Variants in VAV3 observed in about 807,000 individuals in gnomAD.
VAV3 encodes vav guanine nucleotide exchange factor 3.
Under a neutral mutation model 131.2 loss-of-function variants are expected in VAV3, and 94 were observed. The ratio of observed to expected loss-of-function variants is 0.72; its 90% CI spans 0.61 to 0.85. The LOEUF is 0.85. Ranked by LOEUF, VAV3 falls within the 40% of genes least tolerant of loss-of-function variation. The pLI is 0.00. For synonymous variants in VAV3, 349 were observed against 342.0 expected, an observed-to-expected ratio of 1.02 and a Z score of -0.22; for missense variants, 939 against 1,002.7, an observed-to-expected ratio of 0.94 and a Z score of 0.86.
At chr1:107,588,323 T>A (rs768916119) in intron 25 of VAV3, among the ~76,000 whole-genome samples, 1 of 152,178 alleles carries the variant, frequency 6.6e-6, no homozygotes, top group African/African-American at 2.4e-5. Flanking sequence ...GTCCATAGAA[T>A]AGTGTGTATA....
chr1:107,649,057 A>T (rs1180163598), intron 19 of VAV3, among the ~76,000 whole-genome samples: 1 of 152,010 alleles, frequency 6.6e-6, no homozygotes, highest in Non-Finnish European at 1.5e-5. Context: ...AAAGCCCTCA[A>T]AAAACAAACA....
chr1:107,762,655 G>C (rs1474814100), intron 9 of VAV3, among the ~76,000 whole-genome samples: 1 of 152,010 alleles, frequency 6.6e-6, no homozygotes, highest in Non-Finnish European at 1.5e-5. Context: ...ACAGTGGTAG[G>C]AACAGAAATA....
At chr1:107,692,147 T>C (rs1659468538) in intron 17 of VAV3, among the ~76,000 whole-genome samples, 1 of 152,194 alleles carries the variant, frequency 6.6e-6, no homozygotes, top group African/African-American at 2.4e-5. Flanking sequence ...AAGTGCTATT[T>C]CTGTGAGACA....
intron 22 of VAV3, among the ~76,000 whole-genome samples, chr1:107,604,203 C>T (rs893484581): frequency 6.6e-6 from 1 of 152,080 alleles, no homozygotes; most frequent in East Asian, 1.9e-4. Flanking sequence ...ATTAATGTAT[C>T]CGAAAATCCT....
intron 2 of VAV3, among the ~76,000 whole-genome samples, chr1:107,783,585 T>A (rs1665817658): frequency 6.6e-6 from 1 of 152,106 alleles, no homozygotes; most frequent in Non-Finnish European, 1.5e-5. Context: ...TCTCTCTGTG[T>A]CTTCTACATG....
chr1:107,630,055 G>A (rs921229829), intron 20 of VAV3, among the ~76,000 whole-genome samples: 1 of 152,066 alleles, frequency 6.6e-6, no homozygotes, highest in Admixed American at 6.6e-5. Context: ...CAAATACAAA[G>A]CCATTGTAAC....
Position 107,964,463 on chromosome 1 carries a change from C to A in VAV3, c.204+203G>T, listed in dbSNP as rs577225327. ...CCTCACACCATCTCCGGACGCAAAGCTTTCGCATTCAGCTTGAGGAGCTAA... is the reference window on the plus strand; with the variant it reads ...CCTCACACCATCTCCGGACGCAAAGATTTCGCATTCAGCTTGAGGAGCTAA... On this transcript the variant is annotated intron_variant, in intron 1 of 26. Coordinates refer to ENST00000370056, the MANE Select transcript of VAV3 (RefSeq NM_006113.5). 5 of 540,216 alleles carry A rather than the reference C, an allele frequency of 9.3e-6. No homozygotes were observed. The South Asian group carries it at 1.3e-4, about 14-fold the overall frequency. The allele number at this position is 540,216 out of a possible 1,614,324, so 33.5% of individuals were successfully genotyped here. A position where few individuals can be genotyped will look rare whatever the true frequency, so the allele number is the denominator to read the frequency against.
intron 4 of VAV3, among the ~76,000 whole-genome samples, chr1:107,774,359 G>T (rs181106203): frequency 6.6e-6 from 1 of 152,138 alleles, no homozygotes; most frequent in Admixed American, 6.5e-5. Context: ...GAGCCACCGC[G>T]CCTGGCTGAC....
chr1:107,698,296 C>G (rs556135436), intron 17 of VAV3, among the ~76,000 whole-genome samples: 18 of 152,298 alleles, frequency 1.2e-4, no homozygotes, highest in Admixed American at 3.9e-4. Flanking sequence ...GGGCGAGCAA[C>G]ATGCCCAATG....
chr1:107,905,075 T>C (rs1454880280), intron 1 of VAV3, among the ~76,000 whole-genome samples: 1 of 152,178 alleles, frequency 6.6e-6, no homozygotes, highest in African/African-American at 2.4e-5. Context: ...GGAGCCAAGG[T>C]GGCTTGAGAA....
chr1:107,822,486 C>T (rs902423951), intron 2 of VAV3, among the ~76,000 whole-genome samples: 2 of 151,820 alleles, frequency 1.3e-5, no homozygotes, highest in Non-Finnish European at 2.9e-5. Flanking sequence ...AATCCCGTCT[C>T]TATTAAAAAT....
At chr1:107,845,391 T>A (rs1452929408) in intron 2 of VAV3, among the ~76,000 whole-genome samples, 1 of 152,052 alleles carries the variant, frequency 6.6e-6, no homozygotes, top group Admixed American at 6.5e-5. Flanking sequence ...ATGCCTCTCA[T>A]CCTCCAAAGG....
chr1:107,926,089 G>A (rs960096722), intron 1 of VAV3, among the ~76,000 whole-genome samples: 15 of 151,888 alleles, frequency 9.9e-5, no homozygotes, highest in Admixed American at 8.5e-4. Context: ...AGACCAGCCT[G>A]GCCAACATGG....
chr1:107,703,042 T>A (rs17019729), intron 17 of VAV3, among the ~76,000 whole-genome samples: 1 of 152,060 alleles, frequency 6.6e-6, no homozygotes, highest in African/African-American at 2.4e-5. Flanking sequence ...ACTATTCTCC[T>A]ACACTATTTC....
chr1:107,925,631 A>T (rs1557928117), intron 1 of VAV3, among the ~76,000 whole-genome samples: 1 of 152,116 alleles, frequency 6.6e-6, no homozygotes, highest in Non-Finnish European at 1.5e-5. Context: ...GTGTAGTCAA[A>T]TGCATAGGTA....
At chr1:107,671,134 T>C (rs1280284656) in intron 19 of VAV3, among the ~76,000 whole-genome samples, 2 of 152,196 alleles carry the variant, frequency 1.3e-5, no homozygotes, top group Non-Finnish European at 2.9e-5. Flanking sequence ...CATGTTTTGT[T>C]TATCTAATCA....
chr1:107,950,823 C>T (rs1674495564), intron 1 of VAV3, among the ~76,000 whole-genome samples: 1 of 152,064 alleles, frequency 6.6e-6, no homozygotes, highest in South Asian at 2.1e-4. Context: ...AACTAAAGAG[C>T]ACAGGGAGGA....
chr1:107,867,900 G>A (rs1365077172), intron 2 of VAV3, among the ~76,000 whole-genome samples: 1 of 152,180 alleles, frequency 6.6e-6, no homozygotes, highest in African/African-American at 2.4e-5. Context: ...CAGAATACAA[G>A]GAGCCCCTGA....
At chr1:107,802,054 A>G (rs1666854319) in intron 2 of VAV3, among the ~76,000 whole-genome samples, 1 of 152,052 alleles carries the variant, frequency 6.6e-6, no homozygotes, top group Admixed American at 6.6e-5. Context: ...TAAGGTTTAC[A>G]TTATACAGAT....
Sources: allele counts gnomAD v4.1 joint callset (sites outside exome capture counted in the v4.1 genomes callset), GRCh38; gene constraint gnomAD v4.1.1; transcripts MANE v1.5; gene names NCBI Gene and HGNC (gene_info 2026-07-23, HGNC 2026-07-21).